The following MFSD6 variants were observed in gnomAD, a reference collection of about 807,000 sequenced individuals.
The protein encoded by MFSD6 is major facilitator superfamily domain containing 6, also known as major facilitator superfamily domain-containing protein 6.
Under a neutral mutation model 56.3 loss-of-function variants are expected in MFSD6, and 26 were observed. The ratio of observed to expected loss-of-function variants is 0.46; its 90% CI spans 0.34 to 0.64. The LOEUF (loss-of-function observed/expected upper bound fraction) is 0.64, where lower values mean the gene tolerates loss of function less well. MFSD6 is among the 30% of genes least tolerant of loss of function. The pLI is 0.01. For synonymous variants in MFSD6, 331 were observed against 366.9 expected (o/e 0.90, Z 1.12); for missense variants, 750 against 986.2 (o/e 0.76, Z 3.21).
intron 3 of MFSD6, among the ~76,000 whole-genome samples, chr2:190,453,143 T>G (rs1686842945): frequency 1.3e-5 from 2 of 151,348 alleles, no homozygotes; most frequent in Admixed American, 1.3e-4. Context: ...ACATTGGGAG[T>G]GGATATAAAA....
intron 3 of MFSD6, among the ~76,000 whole-genome samples, chr2:190,460,885 T>A (rs1398603155): frequency 6.6e-6 from 1 of 152,226 alleles, no homozygotes; most frequent in African/African-American, 2.4e-5. Context: ...ATCTTCTTCA[T>A]ATCAGCAATT....
At chr2:190,430,248 C>T (rs1352017315) in intron 2 of MFSD6, among the ~76,000 whole-genome samples, 7 of 143,452 alleles carry the variant, frequency 4.9e-5, no homozygotes, top group South Asian at 2.2e-4. Context: ...GGGTGTTTCT[C>T]GCAGAGGGGG....
Position 190,459,446 on chromosome 2 carries a change from T to C in MFSD6, c.1533-10312T>C, listed in dbSNP as rs1212176112. Among the ~76,000 whole-genome samples, 1 of 152,262 alleles carries C rather than the reference T, an allele frequency of 6.6e-6. No homozygotes were observed. The highest frequency in any genetic ancestry group is 1.5e-5 in the Non-Finnish European group (1 of 68,042). ...TGTCATATGTATACCTTAAGCCATA[T>C]CCTAGGAAATTTTTAAACAAAATTG... On this transcript the variant is annotated intron_variant, in intron 3 of 7. Coordinates refer to ENST00000392328, the MANE Select transcript of MFSD6 (RefSeq NM_017694.4). The surrounding 1 kb of genome is among the most constrained non-coding windows in gnomAD (Gnocchi z 5.3).
chr2:190,449,302 C>T (rs927717537), intron 3 of MFSD6, among the ~76,000 whole-genome samples: 7 of 152,088 alleles, frequency 4.6e-5, no homozygotes, highest in Admixed American at 6.6e-5. Context: ...GGTGAAACCC[C>T]ATCTCTACTA....
intron 3 of MFSD6, among the ~76,000 whole-genome samples, chr2:190,452,650 C>T (rs1462094497): frequency 6.6e-6 from 1 of 152,186 alleles, no homozygotes; most frequent in Non-Finnish European, 1.5e-5. Flanking sequence ...ACCTCTTAGT[C>T]TTCCTCATTT....
chr2:190,486,028 T>C (rs1222567256), intron 4 of MFSD6, among the ~76,000 whole-genome samples: 3 of 152,262 alleles, frequency 2.0e-5, no homozygotes, highest in Non-Finnish European at 4.4e-5. Flanking sequence ...TATTTCTGTC[T>C]TCCTATAAAT....
Position 190,500,319 on chromosome 2 carries a change from A to G in MFSD6, c.*101A>G, listed in dbSNP as rs1689967407. 4.2e-6 allele frequency: 5 copies of G among 1,185,810 alleles called. No individual in the cohort carries two copies. The South Asian group carries it at 6.8e-5, about 16-fold the overall frequency. 73.5% of individuals were successfully genotyped at this position (1,185,810 alleles called of 1,614,324 possible). A position where few individuals can be genotyped will look rare whatever the true frequency, so the allele number is the denominator to read the frequency against. On this transcript the variant is annotated 3_prime_UTR_variant, in exon 8 of 8. Transcript: ENST00000392328. The surrounding 1 kb of genome is among the most constrained non-coding windows in gnomAD (Gnocchi z 5.3). ...GGATATGCCTCCCCTGGAGGAGCACAGCACTGCATATGCTTCTAAATATCT... is the reference window on the plus strand; with the variant it reads ...GGATATGCCTCCCCTGGAGGAGCACGGCACTGCATATGCTTCTAAATATCT...
In MFSD6 at chr2:190,431,105, C is replaced by T. The variant is rs1218618350; in HGVS notation, c.-53-4872C>T. ...GCAGAGGCGCTCCTCACATCCCAGA[C>T]AGGGCGGCGGGGCAGAGGCGCTCCC... is the stretch of plus-strand genomic sequence containing the variant. On this transcript the variant is annotated intron_variant, in intron 2 of 7. Coordinates refer to ENST00000392328, the MANE Select transcript of MFSD6 (RefSeq NM_017694.4). The surrounding 1 kb of genome is among the most constrained non-coding windows in gnomAD (Gnocchi z 4.4). Among the ~76,000 whole-genome samples the T allele has an allele frequency of 7.1e-6, 1 of 140,368 alleles. No individual in the cohort carries two copies. Among genetic ancestry groups the T allele is most frequent in the Non-Finnish European group, 1.5e-5 (1 of 65,672 alleles). The allele number at this position is 140,368 out of a possible 152,430, so 92.1% of individuals were successfully genotyped here.
chr2:190,449,694 A>G (rs1214763135), intron 3 of MFSD6, among the ~76,000 whole-genome samples: 1 of 152,192 alleles, frequency 6.6e-6, no homozygotes, highest in Non-Finnish European at 1.5e-5. Flanking sequence ...ATAAAAAATG[A>G]TGAGTTCATG....
At chr2:190,453,119 G>T (rs1021994222) in intron 3 of MFSD6, among the ~76,000 whole-genome samples, 1 of 152,218 alleles carries the variant, frequency 6.6e-6, no homozygotes, top group South Asian at 2.1e-4. Context: ...GAAATGTTAG[G>T]TTTGGTGCCT....
rs554501896 is a variant in MFSD6 at position 190,437,158 on chromosome 2, G to A, written c.1129G>A (p.Val377Ile). Reference protein sequence around the residue: ...NYQIVFIVFGVLMTMALIVAT... With the variant: ...NYQIVFIVFGILMTMALIVAT... ...CCAGATCGTCTTCATCGTCTTCGGC[G>A]TTCTCATGACCATGGCCTTGATCGT... The change falls in exon 3 of 8, where the codon GTT becomes ATT. Residue 377 changes from valine to isoleucine, a missense_variant. By Grantham distance (29) the Val-to-Ile change is conservative. This residue lies in a region of MFSD6 where 376 missense variants were observed against 437.9 expected (regional missense o/e 0.86). Transcript: ENST00000392328. This position sits in a 1 kb window ranked among gnomAD's most constrained non-coding sequence, Gnocchi z 5.9. 82 of 1,614,212 alleles carry A rather than the reference G, an allele frequency of 5.1e-5. No homozygotes were observed. Among genetic ancestry groups the A allele is most frequent in the Admixed American group, 2.7e-4 (16 of 60,028 alleles).
Position 190,447,104 on chromosome 2 carries a change from G to A in MFSD6, c.1532+9543G>A, listed in dbSNP as rs1267852115. On this transcript the variant is annotated intron_variant, in intron 3 of 7. Transcript: ENST00000392328. This position sits in a 1 kb window ranked among gnomAD's most constrained non-coding sequence, Gnocchi z 4.5. ...ATAGGCTCAGTAAAAAAAAAAACTT[G>A]AAAGGATGTCTTGACACACAAAATA... Among the ~76,000 whole-genome samples, 1 of 151,998 alleles carries A rather than the reference G, an allele frequency of 6.6e-6. No individual in the cohort carries two copies. The highest frequency in any genetic ancestry group is 1.5e-5 in the Non-Finnish European group (1 of 67,994).
At position 190,454,796 on chromosome 2, in the gene MFSD6, G is replaced by A. The variant is rs1686927006; in HGVS notation, c.1533-14962G>A. Among the ~76,000 whole-genome samples the A allele has an allele frequency of 6.6e-6, 1 of 152,116 alleles. No homozygotes were observed. Among genetic ancestry groups the A allele is most frequent in the Admixed American group, 6.5e-5 (1 of 15,268 alleles). On this transcript the variant is annotated intron_variant, in intron 3 of 7. Transcript: ENST00000392328. This position sits in a 1 kb window ranked among gnomAD's most constrained non-coding sequence, Gnocchi z 4.6. ...GAGCCTGAGGCAGGTATAGAGGGAT[G>A]GGATCCCCAAAGATTCTAAGAGTCA...
In MFSD6 at chr2:190,443,918, G is replaced by A. The variant is rs1303348701; in HGVS notation, c.1532+6357G>A. Among the ~76,000 whole-genome samples, 2 of 152,180 alleles carry A rather than the reference G, an allele frequency of 1.3e-5. No homozygotes were observed. Among genetic ancestry groups the A allele is most frequent in the Non-Finnish European group, 2.9e-5 (2 of 68,036 alleles). ...AAAAATAACATTAGCTGGGCATGGTGTCACACGCCTGTAGTCCCAGTTACT... is the reference window on the plus strand; with the variant it reads ...AAAAATAACATTAGCTGGGCATGGTATCACACGCCTGTAGTCCCAGTTACT... On this transcript the variant is annotated intron_variant, in intron 3 of 7. Coordinates refer to ENST00000392328, the MANE Select transcript of MFSD6 (RefSeq NM_017694.4). This position sits in a 1 kb window ranked among gnomAD's most constrained non-coding sequence, Gnocchi z 4.2.
At chr2:190,446,926 C>G (rs1310043708) in intron 3 of MFSD6, among the ~76,000 whole-genome samples, 1 of 152,208 alleles carries the variant, frequency 6.6e-6, no homozygotes, top group Non-Finnish European at 1.5e-5. Flanking sequence ...GAGGATCTCT[C>G]CCAGTGCACT....
In MFSD6 at chr2:190,492,864, G is replaced by A. The variant is rs867109406; in HGVS notation, c.1891+2998G>A. ...ACTCACCACCAAGCCAGCACTACAA[G>A]AGCTGAAAGGAGCTCTAAATCTTGA... is the stretch of plus-strand genomic sequence containing the variant. On this transcript the variant is annotated intron_variant, in intron 6 of 7. Coordinates refer to ENST00000392328, the MANE Select transcript of MFSD6 (RefSeq NM_017694.4). The surrounding 1 kb of genome is among the most constrained non-coding windows in gnomAD (Gnocchi z 5.2). 5.1e-4 allele frequency among the ~76,000 whole-genome samples: 77 copies of A among 151,844 alleles called. No individual in the cohort carries two copies. Among genetic ancestry groups the A allele is most frequent in the Admixed American group, 1.2e-3 (18 of 15,244 alleles).
rs1268270772 is a variant in MFSD6 at position 190,469,912 on chromosome 2, A to G, written c.1630+57A>G. 1.6e-6 allele frequency: 2 copies of G among 1,268,666 alleles called. No individual in the cohort carries two copies. Among genetic ancestry groups the G allele is most frequent in the African/African-American group, 1.5e-5 (1 of 67,620 alleles). The allele number at this position is 1,268,666 out of a possible 1,614,324, so 78.6% of individuals were successfully genotyped here. Reference sequence around the variant, plus strand: ...TCTGCCTTCCCTGAGCTGTGGCTAAAAGCCCAGTGGCCTTCAGCATCTGAT... The same window carrying G: ...TCTGCCTTCCCTGAGCTGTGGCTAAGAGCCCAGTGGCCTTCAGCATCTGAT... On this transcript the variant is annotated intron_variant, in intron 4 of 7. Transcript: ENST00000392328. This position sits in a 1 kb window ranked among gnomAD's most constrained non-coding sequence, Gnocchi z 5.3.
Position 190,443,505 on chromosome 2 carries a change from G to A in MFSD6, c.1532+5944G>A, listed in dbSNP as rs1686460059. On this transcript the variant is annotated intron_variant, in intron 3 of 7. Transcript: ENST00000392328. The surrounding 1 kb of genome is among the most constrained non-coding windows in gnomAD (Gnocchi z 4.2). ...GTTTATAACTACAAGACCCATTGAA[G>A]TTGATAAAAATACAAGTTGACAGTA... Among the ~76,000 whole-genome samples, 1 of 152,180 alleles carries A rather than the reference G, an allele frequency of 6.6e-6. No homozygotes were observed. Among genetic ancestry groups the A allele is most frequent in the Admixed American group, 6.5e-5 (1 of 15,280 alleles).
chr2:190,412,034 A>C lies in MFSD6; in HGVS notation c.-175-3258A>C, dbSNP rs1313280975. ...GGCATTCTGGATGACTTTAGGTATA[A>C]TTATTTTTAGTAACAATTTAGGAGA... On this transcript the variant is annotated intron_variant, in intron 1 of 7. Transcript: ENST00000392328. This position sits in a 1 kb window ranked among gnomAD's most constrained non-coding sequence, Gnocchi z 4.1. The C allele has an allele frequency of 3.0e-6, 3 of 985,124 alleles. No individual in the cohort carries two copies. The highest frequency in any genetic ancestry group is 3.6e-6 in the Non-Finnish European group (3 of 829,796). 61.0% of individuals were successfully genotyped at this position (985,124 alleles called of 1,614,324 possible).
Sources: allele counts gnomAD v4.1 joint callset (sites outside exome capture counted in the v4.1 genomes callset), GRCh38; gene constraint gnomAD v4.1.1; regional missense constraint gnomAD v4.1.1; non-coding constraint Gnocchi (gnomAD v3.1); transcripts MANE v1.5; gene names NCBI Gene and HGNC (gene_info 2026-07-23, HGNC 2026-07-21).